OTOGL: variants seen among roughly 807,000 people sequenced by gnomAD.
OTOGL encodes otogelin like, also known as otogelin-like protein.
A neutral mutation model predicts 318.5 loss-of-function variants in OTOGL; 285 were observed. That is an observed-to-expected ratio of 0.89 (90% confidence interval 0.81 to 0.99). OTOGL has a LOEUF of 0.99. Among genes scored for constraint, OTOGL ranks in the 50% least tolerant of loss-of-function variants. The probability of loss-of-function intolerance (pLI) is 0.00; values close to 1 mark genes in which losing one functional copy is unlikely to be tolerated. For synonymous variants in OTOGL, 987 were observed against 936.5 expected, an observed-to-expected ratio of 1.05 and a Z score of -0.99; for missense variants, 2,899 against 2,845.6, an observed-to-expected ratio of 1.02 and a Z score of -0.43.
chr12:80,259,069 T>G (rs1882303749), intron 18 of OTOGL, among the ~76,000 whole-genome samples: 1 of 151,882 alleles, frequency 6.6e-6, no homozygotes, highest in African/African-American at 2.4e-5. Flanking sequence ...ACTCTGTAAA[T>G]GTATATAATT....
In OTOGL at chr12:80,265,077, G is replaced by A. The variant is rs555049133; in HGVS notation, c.2091G>A (p.Leu697=). The change falls in exon 20 of 59, where the codon CTG becomes CTA. Residue 697 remains leucine (L), a synonymous_variant. Coordinates refer to ENST00000547103, the MANE Select transcript of OTOGL (RefSeq NM_001378609.3). ...GCCACATCTATATTAGCCCTGGGCT[G>A]TACTATCAGCTATGCCGCCACGATG... The part of the protein sequence containing the change: ...APCHIYISPG[L]YYQLCRHDAC... 1.1e-5 allele frequency: 18 copies of A among 1,613,902 alleles called. No homozygotes were observed. The African/African-American group carries it at 1.6e-4, about 14-fold the overall frequency.
Position 80,358,278 on chromosome 12 carries a change from T to C in OTOGL, c.6050T>C (p.Leu2017Pro). 6.2e-7 allele frequency: 1 copy of C among 1,612,212 alleles called. No individual in the cohort carries two copies. Among genetic ancestry groups the C allele is most frequent in the African/African-American group, 1.3e-5 (1 of 75,034 alleles). ...VCESCTKPVP[L>P]CHDGEFLTVD... ...GAATCTTGCACCAAACCTGTTCCAC[T>C]ATGTCATGATGGGGAATTTCTCACA... The change falls in exon 50 of 59, where the codon CTA becomes CCA. Residue 2017 changes from leucine to proline, a missense_variant. Transcript: ENST00000547103.
intron 42 of OTOGL, among the ~76,000 whole-genome samples, chr12:80,337,227 G>A (rs1284708003): frequency 6.6e-6 from 1 of 151,910 alleles, no homozygotes; most frequent in Admixed American, 6.6e-5. Flanking sequence ...TAACTGCAGG[G>A]ACCATGTTAA....
At chr12:80,124,824 A>T (rs1477084299) in intron 1 of OTOGL, among the ~76,000 whole-genome samples, 1 of 152,080 alleles carries the variant, frequency 6.6e-6, no homozygotes, top group Admixed American at 6.6e-5. Flanking sequence ...TTCACTCATG[A>T]TTTGGCTCTC....
At chr12:80,278,352 G>T in intron 25 of OTOGL, 77 bp downstream of exon 25, 1 of 1,177,328 alleles carries the variant, frequency 8.5e-7, no homozygotes, top group South Asian at 1.4e-5. Context: ...TTTATTTAAT[G>T]AGACTGACAT....
At position 80,106,489 on chromosome 12, in the gene OTOGL, T is replaced by C. The variant is rs538907298; in HGVS notation, c.-20+6884T>C. ...GTTCCTCTTTTTTTCTTGATATATT[T>C]TTTGGTAATTCCTTTTCTGTTCTTC... is the stretch of plus-strand genomic sequence containing the variant. On this transcript the variant is annotated intron_variant, in intron 1 of 58. Coordinates refer to ENST00000547103, the MANE Select transcript of OTOGL (RefSeq NM_001378609.3). Among the ~76,000 whole-genome samples, 4 of 152,342 alleles carry C rather than the reference T, an allele frequency of 2.6e-5. No homozygotes were observed. In the East Asian group the frequency reaches 7.7e-4, roughly 29 times the overall value.
intron 1 of OTOGL, among the ~76,000 whole-genome samples, chr12:80,184,306 C>T (rs2137246449): frequency 6.6e-6 from 1 of 152,312 alleles, no homozygotes; most frequent in South Asian, 2.1e-4. Flanking sequence ...GAAGACAAGA[C>T]ACTTTTAGTG....
At position 80,222,171 on chromosome 12, in the gene OTOGL, T is replaced by A; in HGVS notation, c.415T>A (p.Tyr139Asn). The A allele has an allele frequency of 6.3e-7, 1 of 1,597,904 alleles. No homozygotes were observed. The highest frequency in any genetic ancestry group is 8.5e-7 in the Non-Finnish European group (1 of 1,178,370). ...YHFETFDGIY[Y>N]YFPGNCSYIF... ...TTTTGAAACATTCGATGGCATCTAC[T>A]ATTACTTCCCAGGAAACTGTTCTTA... is the stretch of plus-strand genomic sequence containing the variant. Residue 139 changes from tyrosine to asparagine, a missense_variant, in exon 7 of 59, where the codon TAT becomes AAT. This residue lies in a region of OTOGL where 2,607 missense variants were observed against 2,524.9 expected (regional missense o/e 1.03). Transcript: ENST00000547103.
intron 48 of OTOGL, 71 bp downstream of exon 48, chr12:80,356,591 T>G (rs911841246): frequency 8.2e-6 from 10 of 1,224,214 alleles, no homozygotes; most frequent in South Asian, 1.5e-5. Flanking sequence ...AGATTCTCAT[T>G]CATTGTGTCT....
At chr12:80,170,209 GTGTGTA>G (rs1285172318) in intron 1 of OTOGL, among the ~76,000 whole-genome samples, 2 of 111,216 alleles carry the variant, frequency 1.8e-5, no homozygotes, top group East Asian at 3.2e-4. Context: ...GTGTGTGTGT[GTGTGTA>G]TGTATGTGTG....
intron 1 of OTOGL, among the ~76,000 whole-genome samples, chr12:80,201,469 A>G (rs1423038684): frequency 1.3e-5 from 2 of 152,082 alleles, no homozygotes; most frequent in Non-Finnish European, 2.9e-5. Context: ...ATGGTAACTC[A>G]TTACCACAGG....
At chr12:80,285,821 G>A (rs1020850730) in intron 26 of OTOGL, among the ~76,000 whole-genome samples, 12 of 152,090 alleles carry the variant, frequency 7.9e-5, no homozygotes, top group African/African-American at 4.8e-5. Context: ...TCTGCAAACC[G>A]AGACAATTTG....
At chr12:80,156,077 T>C (rs775870330) in intron 1 of OTOGL, among the ~76,000 whole-genome samples, 6 of 152,226 alleles carry the variant, frequency 3.9e-5, no homozygotes, top group Admixed American at 6.5e-5. Flanking sequence ...TTTTCCTGGG[T>C]GTGCCTGTGA....
intron 27 of OTOGL, among the ~76,000 whole-genome samples, chr12:80,297,773 G>A (rs981702986): frequency 1.3e-5 from 2 of 152,122 alleles, no homozygotes; most frequent in Non-Finnish European, 2.9e-5. Flanking sequence ...ATTACTTTCT[G>A]CTTCAAGCCC....
chr12:80,234,419 C>A (rs2137411631), intron 9 of OTOGL, among the ~76,000 whole-genome samples: 1 of 152,190 alleles, frequency 6.6e-6, no homozygotes, highest in Non-Finnish European at 1.5e-5. Flanking sequence ...AGATGATTTG[C>A]CCCTATGTTA....
At chr12:80,156,212 C>A (rs1277983082) in intron 1 of OTOGL, among the ~76,000 whole-genome samples, 3 of 152,192 alleles carry the variant, frequency 2.0e-5, no homozygotes, top group Admixed American at 1.3e-4. Flanking sequence ...GGCAGAAGAA[C>A]GTGAAATGAC....
At chr12:80,188,820 C>T (rs1391914407) in intron 1 of OTOGL, among the ~76,000 whole-genome samples, 1 of 152,184 alleles carries the variant, frequency 6.6e-6, no homozygotes, top group Non-Finnish European at 1.5e-5. Context: ...CGATCCTCCA[C>T]AGACCTTTCA....
intron 1 of OTOGL, among the ~76,000 whole-genome samples, chr12:80,129,022 C>T (rs146165419): frequency 7.3e-4 from 111 of 152,314 alleles, no homozygotes; most frequent in African/African-American, 2.4e-3. Context: ...CTTTGGCTCA[C>T]GCTCGGTGCA....
At chr12:80,105,451 A>G (rs74110540) in intron 1 of OTOGL, among the ~76,000 whole-genome samples, 7,289 of 152,262 alleles carry the variant, frequency 0.048, 585 homozygotes, top group African/African-American at 0.17. Context: ...AATAAAAGGA[A>G]ATAGTAATAT....
Sources: gnomAD v4.1 joint callset for allele counts (sites outside exome capture counted in the v4.1 genomes callset) on GRCh38, gnomAD v4.1.1 for gene constraint, gnomAD v4.1.1 regional missense constraint, MANE v1.5 for transcripts, NCBI Gene and HGNC (gene_info 2026-07-23, HGNC 2026-07-21) for gene names.